Variants in SLC24A2 observed in about 807,000 individuals in gnomAD.
The protein encoded by SLC24A2 is solute carrier family 24 member 2, also known as sodium/potassium/calcium exchanger 2.
In SLC24A2, 36 loss-of-function variants were observed where a neutral mutation model predicts 62.0. That is an observed-to-expected ratio of 0.58 (90% confidence interval 0.44 to 0.77). The LOEUF (loss-of-function observed/expected upper bound fraction) is 0.77. Among genes scored for constraint, SLC24A2 ranks in the 30% least tolerant of loss-of-function variants. SLC24A2 has a pLI of 0.00. For synonymous variants in SLC24A2, 358 were observed against 294.0 expected, an observed-to-expected ratio of 1.22 and a Z score of -2.23; for missense variants, 846 against 817.9, an observed-to-expected ratio of 1.03 and a Z score of -0.42.
chr9:19,977,376 A>G, the SLC24A2 span, among the ~76,000 whole-genome samples: 1 of 152,052 alleles, frequency 6.6e-6, no homozygotes, highest in Non-Finnish European at 1.5e-5. Context: ...GGATGGTGGG[A>G]GTTGAGATAG....
At chr9:19,943,669 A>G in the SLC24A2 span, among the ~76,000 whole-genome samples, 15 of 152,284 alleles carry the variant, frequency 9.9e-5, no homozygotes, top group Admixed American at 5.2e-4. Context: ...ATCTATCTGT[A>G]TTTCTGACCC....
the SLC24A2 span, among the ~76,000 whole-genome samples, chr9:19,812,448 T>C: frequency 6.6e-6 from 1 of 152,200 alleles, no homozygotes; most frequent in Non-Finnish European, 1.5e-5. Flanking sequence ...TCTAATCTCT[T>C]GTTAAACCCA....
the SLC24A2 span, among the ~76,000 whole-genome samples, chr9:19,987,126 G>C: frequency 6.6e-6 from 1 of 152,088 alleles, no homozygotes; most frequent in African/African-American, 2.4e-5. Flanking sequence ...CTGATGCTCT[G>C]TTGATATAGA....
At chr9:20,089,815 A>C in the SLC24A2 span, among the ~76,000 whole-genome samples, 1 of 151,874 alleles carries the variant, frequency 6.6e-6, no homozygotes, top group Non-Finnish European at 1.5e-5. Flanking sequence ...ATACCACAGA[A>C]CACCACAGCA....
At chr9:19,742,408 C>T (rs542399210) in intron 2 of SLC24A2, among the ~76,000 whole-genome samples, 33 of 152,080 alleles carry the variant, frequency 2.2e-4, no homozygotes, top group Non-Finnish European at 3.4e-4. Flanking sequence ...GGTGTGAAGA[C>T]CAGAAATAAG....
chr9:19,958,769 C>T, the SLC24A2 span, among the ~76,000 whole-genome samples: 1 of 152,200 alleles, frequency 6.6e-6, no homozygotes, highest in South Asian at 2.1e-4. Context: ...AAATAAAAGA[C>T]AAGGCATGTA....
the SLC24A2 span, among the ~76,000 whole-genome samples, chr9:19,837,971 A>G: frequency 6.6e-6 from 1 of 151,844 alleles, no homozygotes; most frequent in Non-Finnish European, 1.5e-5. Context: ...AAGAATCAAT[A>G]TCGTGAAAAT....
chr9:19,986,630 C>G, the SLC24A2 span, among the ~76,000 whole-genome samples: 2 of 151,758 alleles, frequency 1.3e-5, no homozygotes, highest in Non-Finnish European at 2.9e-5. Context: ...GAGGTACTGA[C>G]GTATGTTACA....
chr9:20,146,391 C>G, the SLC24A2 span, among the ~76,000 whole-genome samples: 4 of 152,206 alleles, frequency 2.6e-5, no homozygotes, highest in African/African-American at 9.6e-5. Context: ...GCCACATGCT[C>G]TCTTAGGTGA....
the SLC24A2 span, among the ~76,000 whole-genome samples, chr9:19,994,901 G>C: frequency 1.1e-3 from 162 of 152,202 alleles, no homozygotes; most frequent in Middle Eastern, 6.8e-3. Context: ...TGAGCGGGTG[G>C]GATTTGAGAA....
chr9:19,636,886 T>A (rs111655477), intron 2 of SLC24A2, among the ~76,000 whole-genome samples: 3,724 of 152,198 alleles, frequency 0.024, 48 homozygotes, highest in Non-Finnish European at 0.036. Flanking sequence ...CTTAAAAGTG[T>A]CCATGACCCT....
intron 2 of SLC24A2, among the ~76,000 whole-genome samples, chr9:19,671,444 G>C (rs1819413115): frequency 1.3e-5 from 2 of 152,102 alleles, no homozygotes; most frequent in East Asian, 1.9e-4. Context: ...TCAGGTCTAG[G>C]AGCTTGTTGG....
the SLC24A2 span, among the ~76,000 whole-genome samples, chr9:20,195,256 A>G: frequency 6.6e-6 from 1 of 152,254 alleles, no homozygotes; most frequent in Admixed American, 6.5e-5. Flanking sequence ...ATATACCTTA[A>G]TATAATAACT....
At chr9:20,095,634 A>G in the SLC24A2 span, among the ~76,000 whole-genome samples, 1 of 151,974 alleles carries the variant, frequency 6.6e-6, no homozygotes, top group Admixed American at 6.6e-5. Flanking sequence ...CACTCTGCAG[A>G]CCTTAGGACT....
the SLC24A2 span, among the ~76,000 whole-genome samples, chr9:20,021,374 C>CACATACATGTATATAATCAT: frequency 6.6e-6 from 1 of 151,670 alleles, no homozygotes; most frequent in Non-Finnish European, 1.5e-5. Context: ...TATATATACA[C>CACATACATGTATATAATCAT]ACATACATGT....
the SLC24A2 span, among the ~76,000 whole-genome samples, chr9:19,994,343 A>C: frequency 2.0e-5 from 3 of 152,196 alleles, no homozygotes; most frequent in African/African-American, 7.2e-5. Context: ...AGCATGAATA[A>C]CCAGGGTAAT....
Position 19,639,029 on chromosome 9 carries a change from A to G in SLC24A2, c.931-16730T>C, listed in dbSNP as rs537730874. On this transcript the variant is annotated intron_variant, in intron 2 of 10. Transcript: ENST00000341998. ...TGAAGAACAGAGCAAGTCAATCATTATCATCCCAGATGGGAACATAATCTG... is the reference window on the plus strand; with the variant it reads ...TGAAGAACAGAGCAAGTCAATCATTGTCATCCCAGATGGGAACATAATCTG... Among the ~76,000 whole-genome samples the G allele has an allele frequency of 9.6e-4, 146 of 152,338 alleles. 3 individuals are homozygous for G. The highest frequency in any genetic ancestry group is 2.1e-4 in the Non-Finnish European group (14 of 68,032).
At chr9:20,059,809 G>C in the SLC24A2 span, among the ~76,000 whole-genome samples, 1 of 151,996 alleles carries the variant, frequency 6.6e-6, no homozygotes, top group South Asian at 2.1e-4. Context: ...AATTAGAGCA[G>C]AGATAAGTGA....
chr9:20,047,737 G>A, the SLC24A2 span, among the ~76,000 whole-genome samples: 1 of 150,680 alleles, frequency 6.6e-6, no homozygotes, highest in African/African-American at 2.4e-5. Flanking sequence ...TCCCAACCAC[G>A]AGGGCCCTTC....
Sources: gnomAD v4.1 joint callset for allele counts (sites outside exome capture counted in the v4.1 genomes callset) on GRCh38, gnomAD v4.1.1 for gene constraint, MANE v1.5 for transcripts, NCBI Gene and HGNC (gene_info 2026-07-23, HGNC 2026-07-21) for gene names.